The following SEZ6L variants were observed in gnomAD, a reference collection of about 807,000 sequenced individuals.
SEZ6L encodes seizure 6-like protein.
In SEZ6L, 37 loss-of-function variants were observed where a neutral mutation model predicts 106.2. The ratio of observed to expected loss-of-function variants is 0.35; its 90% CI spans 0.27 to 0.46. The LOEUF (loss-of-function observed/expected upper bound fraction) is 0.46. Among genes scored for constraint, SEZ6L ranks in the 20% least tolerant of loss-of-function variants. SEZ6L has a pLI of 1.00. For synonymous variants in SEZ6L, 541 were observed against 570.4 expected, an observed-to-expected ratio of 0.95 and a Z score of 0.73; for missense variants, 1,172 against 1,332.8, an observed-to-expected ratio of 0.88 and a Z score of 1.88.
At chr22:26,225,857 T>C (rs531959547) in intron 1 of SEZ6L, among the ~76,000 whole-genome samples, 61 of 152,318 alleles carry the variant, frequency 4.0e-4, no homozygotes, top group Non-Finnish European at 7.4e-4. Context: ...CAACTCAAGA[T>C]TCCCCCCATG....
intron 13 of SEZ6L, among the ~76,000 whole-genome samples, chr22:26,366,330 T>A (rs1025373458): frequency 6.6e-6 from 1 of 151,734 alleles, no homozygotes; most frequent in Non-Finnish European, 1.5e-5. Context: ...CGAGATTCTA[T>A]CTAAAAAATG....
chr22:26,263,752 G>T (rs1011355366), intron 1 of SEZ6L, among the ~76,000 whole-genome samples: 1 of 152,152 alleles, frequency 6.6e-6, no homozygotes, highest in Admixed American at 6.5e-5. Flanking sequence ...ACTCCACCTG[G>T]TTGCTCAGGC....
intron 1 of SEZ6L, among the ~76,000 whole-genome samples, chr22:26,265,433 A>G (rs2080144427): frequency 6.6e-6 from 1 of 152,232 alleles, no homozygotes; most frequent in African/African-American, 2.4e-5. Flanking sequence ...AATTATTTAA[A>G]TAGCATCAAA....
intron 1 of SEZ6L, among the ~76,000 whole-genome samples, chr22:26,184,743 T>C (rs895538699): frequency 6.6e-6 from 1 of 152,130 alleles, no homozygotes; most frequent in Non-Finnish European, 1.5e-5. Context: ...GTAGAAACAA[T>C]GGTCTACTCC....
At position 26,298,984 on chromosome 22, in the gene SEZ6L, C is replaced by A. The variant is rs200415298; in HGVS notation, c.1163C>A (p.Ala388Asp). 1 of 1,561,730 alleles carries A rather than the reference C, an allele frequency of 6.4e-7. No individual in the cohort carries two copies. The highest frequency in any genetic ancestry group is 8.7e-7 in the Non-Finnish European group (1 of 1,152,250). ...GLGTFQLHYQ[A>D]FMLSCNFPRR... is the part of the protein sequence containing the mutation. ...AGTCTGCCTCTGCATTTCTTCCCAGCCTTCATGCTGAGCTGCAACTTTCCC... is the reference window on the plus strand; with the variant it reads ...AGTCTGCCTCTGCATTTCTTCCCAGACTTCATGCTGAGCTGCAACTTTCCC... The change falls in exon 5 of 17, where the codon GCC becomes GAC. Residue 388 changes from alanine (A) to aspartate (D), a missense_variant and splice_region_variant. By Grantham distance (126) the Ala-to-Asp change is moderately radical. Coordinates refer to ENST00000248933, the MANE Select transcript of SEZ6L (RefSeq NM_021115.5).
intron 1 of SEZ6L, among the ~76,000 whole-genome samples, chr22:26,259,173 A>AT (rs1259186367): frequency 6.6e-6 from 1 of 152,202 alleles, no homozygotes; most frequent in Non-Finnish European, 1.5e-5. Context: ...GAAGAAAAAT[A>AT]TTTTTCATCC....
At chr22:26,273,051 T>C (rs765557931) in intron 1 of SEZ6L, among the ~76,000 whole-genome samples, 9 of 152,268 alleles carry the variant, frequency 5.9e-5, no homozygotes, top group Non-Finnish European at 1.3e-4. Flanking sequence ...GTTGTCATTA[T>C]GAAAGAGTTG....
rs769640314 is a variant in SEZ6L at position 26,375,655 on chromosome 22, T to C, written c.2908T>C (p.Leu970=). The change falls in exon 15 of 17, where the codon TTA becomes CTA. Residue 970 remains leucine (L), a synonymous_variant. Coordinates refer to ENST00000248933, the MANE Select transcript of SEZ6L (RefSeq NM_021115.5). ...CTTCATCCCGGTCCTCATCATCTCC[T>C]TACTGCTGGGAGGAGCCTACATTTA... ...AIFIPVLIIS[L]LLGGAYIYIT... is the part of the protein sequence containing the mutation. The C allele has an allele frequency of 6.2e-7, 1 of 1,614,022 alleles. No individual in the cohort carries two copies. The highest frequency in any genetic ancestry group is 1.1e-5 in the South Asian group (1 of 91,064).
chr22:26,311,499 T>A (rs1434845381), intron 7 of SEZ6L, among the ~76,000 whole-genome samples: 1 of 152,192 alleles, frequency 6.6e-6, no homozygotes, highest in Non-Finnish European at 1.5e-5. Context: ...CCATATAGGA[T>A]GTGGAAAGGC....
intron 1 of SEZ6L, among the ~76,000 whole-genome samples, chr22:26,264,828 G>C (rs895921546): frequency 3.3e-5 from 5 of 152,316 alleles, no homozygotes; most frequent in South Asian, 2.1e-4. Context: ...TGTTATCACA[G>C]GAAGGGGAAA....
rs2082799491 is a variant in SEZ6L, at chr22:26,340,631, A to G, written c.2211A>G (p.Ile737Met). The change falls in exon 10 of 17, where the codon ATA becomes ATG. Residue 737 changes from isoleucine to methionine, a missense_variant and splice_region_variant. Coordinates refer to ENST00000248933, the MANE Select transcript of SEZ6L (RefSeq NM_021115.5). ...GCCAGGGATTTATCATGAACTACAT[A>G]GGTAGGTGTCTCATCTGGTCAATTT... is the stretch of plus-strand genomic sequence containing the variant. ...GKGQGFIMNY[I>M]EVSRNDSCSD... 6.2e-7 allele frequency: 1 copy of G among 1,610,260 alleles called. No homozygotes were observed. Among genetic ancestry groups the G allele is most frequent in the Non-Finnish European group, 8.5e-7 (1 of 1,178,084 alleles).
chr22:26,288,947 G>A (rs1333959690), intron 1 of SEZ6L, among the ~76,000 whole-genome samples: 1 of 152,162 alleles, frequency 6.6e-6, no homozygotes, highest in African/African-American at 2.4e-5. Context: ...GCCAGTGTTG[G>A]GATTTAGCAG....
At chr22:26,246,531 C>T (rs566615234) in intron 1 of SEZ6L, among the ~76,000 whole-genome samples, 2 of 152,110 alleles carry the variant, frequency 1.3e-5, no homozygotes, top group African/African-American at 4.8e-5. Context: ...CCTCTAACTC[C>T]AGACTTTCTG....
intron 5 of SEZ6L, among the ~76,000 whole-genome samples, chr22:26,303,631 C>T (rs1601437710): frequency 1.3e-5 from 2 of 152,232 alleles, no homozygotes; most frequent in South Asian, 4.2e-4. Flanking sequence ...TTCTTTTTTC[C>T]TCTTTTGCAA....
intron 8 of SEZ6L, 72 bp downstream of exon 8, chr22:26,312,034 C>T (rs2145924422): frequency 2.7e-6 from 4 of 1,464,866 alleles, no homozygotes; most frequent in South Asian, 2.5e-5. Context: ...AGACCAAGGC[C>T]CCAGCTTAGA....
At chr22:26,361,384 G>A (rs2083621660) in intron 12 of SEZ6L, among the ~76,000 whole-genome samples, 1 of 149,870 alleles carries the variant, frequency 6.7e-6, no homozygotes, top group South Asian at 2.1e-4. Flanking sequence ...GCGCATGCCT[G>A]TGGTCCCAGC....
intron 1 of SEZ6L, among the ~76,000 whole-genome samples, chr22:26,188,616 A>G (rs1266874490): frequency 6.6e-6 from 1 of 152,162 alleles, no homozygotes; most frequent in Non-Finnish European, 1.5e-5. Context: ...CCATGTACTG[A>G]GCGGGTACTA....
intron 1 of SEZ6L, among the ~76,000 whole-genome samples, chr22:26,263,024 A>G (rs147935616): frequency 2.4e-3 from 361 of 152,252 alleles, no homozygotes; most frequent in Middle Eastern, 0.014. Context: ...TGTCATTTCC[A>G]CAAAGAAGCC....
chr22:26,265,888 G>T (rs1351648792), intron 1 of SEZ6L, among the ~76,000 whole-genome samples: 2 of 152,136 alleles, frequency 1.3e-5, no homozygotes, highest in Non-Finnish European at 2.9e-5. Flanking sequence ...TAAATATTTT[G>T]GGTGCATCTT....
Sources: gnomAD v4.1 joint callset for allele counts (sites outside exome capture counted in the v4.1 genomes callset) on GRCh38, gnomAD v4.1.1 for gene constraint, MANE v1.5 for transcripts, NCBI Gene and HGNC (gene_info 2026-07-23, HGNC 2026-07-21) for gene names.